The following NEK1 variants were observed in gnomAD, a reference collection of about 807,000 sequenced individuals.
NEK1 encodes NIMA related kinase 1, also known as serine/threonine-protein kinase Nek1.
NEK1 carries 137 observed loss-of-function variants against 182.1 expected under a neutral mutation model. That is an observed-to-expected ratio of 0.75 (90% CI 0.65 to 0.87). The LOEUF (loss-of-function observed/expected upper bound fraction) is 0.87, where lower values mean the gene tolerates loss of function less well. Among genes scored for constraint, NEK1 ranks in the 40% least tolerant of loss-of-function variants. The pLI is 0.00. For synonymous variants in NEK1, 513 were observed against 492.2 expected, an observed-to-expected ratio of 1.04 and a Z score of -0.56; for missense variants, 1,391 against 1,494.4, an observed-to-expected ratio of 0.93 and a Z score of 1.14.
intron 5 of NEK1, among the ~76,000 whole-genome samples, chr4:169,593,123 C>T (rs771176598): frequency 1.3e-5 from 2 of 148,448 alleles, no homozygotes; most frequent in African/African-American, 5.1e-5. Flanking sequence ...CAACAATGTA[C>T]CAGATATGTG....
chr4:169,478,419 C>A (rs1747368594), intron 24 of NEK1: 1 of 152,040 alleles, frequency 6.6e-6, no homozygotes, highest in African/African-American at 2.4e-5. Flanking sequence ...AGATGTGAGA[C>A]TGGGTACCAA....
intron 19 of NEK1, among the ~76,000 whole-genome samples, chr4:169,530,805 G>A (rs1399402243): frequency 1.3e-5 from 2 of 151,172 alleles, no homozygotes; most frequent in Non-Finnish European, 2.9e-5. Flanking sequence ...CTGGCTGCAT[G>A]AATTTATACA....
intron 23 of NEK1, among the ~76,000 whole-genome samples, chr4:169,498,633 G>A (rs945921278): frequency 2.6e-4 from 40 of 152,224 alleles, no homozygotes; most frequent in African/African-American, 9.2e-4. Context: ...TTGCTTGTCT[G>A]TAAAGTATTT....
intron 19 of NEK1, among the ~76,000 whole-genome samples, chr4:169,534,563 A>G (rs375739296): frequency 2.6e-5 from 4 of 152,216 alleles, no homozygotes; most frequent in African/African-American, 9.6e-5. Context: ...CTGAGGTTCA[A>G]TCAGGGCTGC....
chr4:169,555,921 C>T lies in NEK1; in HGVS notation c.1430+11G>A. ...CAAAGCATAAGCAACTTCTGCAGAA[C>T]ATAGCCATACCTTTCTGGAAGACCT... On this transcript the variant is annotated intron_variant, in intron 17 of 35. Coordinates refer to ENST00000507142, the MANE Select transcript of NEK1 (RefSeq NM_001199397.3). The T allele has an allele frequency of 6.2e-7, 1 of 1,613,410 alleles. No homozygotes were observed. Among genetic ancestry groups the T allele is most frequent in the Non-Finnish European group, 8.5e-7 (1 of 1,179,552 alleles).
chr4:169,497,223 T>C (rs1432827514), intron 23 of NEK1, among the ~76,000 whole-genome samples: 240 of 152,338 alleles, frequency 1.6e-3, no homozygotes, highest in African/African-American at 5.5e-3. Flanking sequence ...TGATGGTAGT[T>C]TGTATTTCTG....
chr4:169,580,845 G>C lies in NEK1; in HGVS notation c.865C>G (p.Pro289Ala). 6.6e-7 allele frequency: 1 copy of C among 1,522,320 alleles called. No individual in the cohort carries two copies. Among genetic ancestry groups the C allele is most frequent in the Non-Finnish European group, 8.9e-7 (1 of 1,123,242 alleles). 94.3% of individuals were successfully genotyped at this position (1,522,320 alleles called of 1,614,324 possible). A position where few individuals can be genotyped will look rare whatever the true frequency, so the allele number is the denominator to read the frequency against. ...TFSKFGSQPIPAKRPASGQNS... is the reference protein window; with the variant it reads ...TFSKFGSQPIAAKRPASGQNS... ...CTTCATATCAGATTTCATTTACCTG[G>C]TATAGGCTGTGATCCAAACTTCGAA... The change falls in exon 11 of 36, where the codon CCA (proline) becomes GCA (alanine). Residue 289 changes from proline to alanine, a missense_variant. Pro to Ala is a conservative substitution (Grantham distance 27). This residue lies in a region of NEK1 where 1,216 missense variants were observed against 1,277.6 expected (regional missense o/e 0.95). Coordinates refer to ENST00000507142, the MANE Select transcript of NEK1 (RefSeq NM_001199397.3).
chr4:169,534,916 T>C (rs1176760702), intron 19 of NEK1, among the ~76,000 whole-genome samples: 1 of 152,094 alleles, frequency 6.6e-6, no homozygotes, highest in Non-Finnish European at 1.5e-5. Flanking sequence ...AATTAATAGA[T>C]AAGGACATGA....
At chr4:169,600,007 C>A (rs549742034) in intron 4 of NEK1, among the ~76,000 whole-genome samples, 28 of 152,094 alleles carry the variant, frequency 1.8e-4, no homozygotes, top group African/African-American at 6.3e-4. Context: ...ACTACAAGCC[C>A]ATGCTACTGT....
chr4:169,490,876 G>A (rs1749933420), intron 23 of NEK1, among the ~76,000 whole-genome samples: 1 of 152,114 alleles, frequency 6.6e-6, no homozygotes, highest in Admixed American at 6.5e-5. Flanking sequence ...GGGCATGGTG[G>A]CTCACGCCTG....
intron 5 of NEK1, among the ~76,000 whole-genome samples, chr4:169,591,714 T>C (rs948066494): frequency 1.8e-4 from 27 of 152,148 alleles, no homozygotes; most frequent in Admixed American, 7.9e-4. Context: ...AGGTTAATTA[T>C]CTGTAATAAT....
intron 27 of NEK1, among the ~76,000 whole-genome samples, chr4:169,443,127 C>A (rs1739841510): frequency 6.7e-6 from 1 of 149,652 alleles, no homozygotes; most frequent in African/African-American, 2.5e-5. Flanking sequence ...CCAGCCTGGG[C>A]AACATGGCAA....
chr4:169,546,959 T>C (rs535506354), intron 18 of NEK1, among the ~76,000 whole-genome samples: 1 of 152,354 alleles, frequency 6.6e-6, no homozygotes, highest in South Asian at 2.1e-4. Context: ...TAATGCAGCA[T>C]TTAGCCCATT....
chr4:169,525,795 C>A (rs1219104953), intron 19 of NEK1, among the ~76,000 whole-genome samples: 3 of 152,176 alleles, frequency 2.0e-5, no homozygotes, highest in African/African-American at 7.2e-5. Context: ...TAAACTAAAG[C>A]AAACAGTAAT....
At position 169,529,428 on chromosome 4, in the gene NEK1, G is replaced by A. The variant is rs968705948; in HGVS notation, c.1665+8381C>T. ...TTATGTGTATTTTATTACAATAAAC[G>A]TCTTCTTCCTGGATCATAAATCTAA... On this transcript the variant is annotated intron_variant, in intron 19 of 35. Coordinates refer to ENST00000507142, the MANE Select transcript of NEK1 (RefSeq NM_001199397.3). Among the ~76,000 whole-genome samples the A allele has an allele frequency of 3.3e-5, 5 of 152,046 alleles. No individual in the cohort carries two copies. In the South Asian group the frequency reaches 8.3e-4, roughly 25 times the overall value.
chr4:169,528,286 T>C (rs985625267), intron 19 of NEK1, among the ~76,000 whole-genome samples: 14 of 152,284 alleles, frequency 9.2e-5, no homozygotes, highest in Non-Finnish European at 2.1e-4. Context: ...TTGCCTTTGC[T>C]TGATAAAGCA....
At chr4:169,568,078 T>C (rs1764013947) in intron 12 of NEK1, among the ~76,000 whole-genome samples, 1 of 152,196 alleles carries the variant, frequency 6.6e-6, no homozygotes, top group Admixed American at 6.5e-5. Context: ...TATGATATCA[T>C]TTATCCAGAT....
chr4:169,472,683 T>C (rs1371296200), intron 26 of NEK1, among the ~76,000 whole-genome samples: 2 of 152,208 alleles, frequency 1.3e-5, no homozygotes, highest in East Asian at 3.8e-4. Context: ...GTGCTCTCAA[T>C]CATCTCCAGC....
intron 5 of NEK1, among the ~76,000 whole-genome samples, chr4:169,595,087 T>C (rs570302714): frequency 2.0e-5 from 3 of 152,162 alleles, no homozygotes; most frequent in East Asian, 3.9e-4. Flanking sequence ...CTTCAGAAAA[T>C]AGACTCTTGG....
Sources: gnomAD v4.1 joint callset for allele counts (sites outside exome capture counted in the v4.1 genomes callset) on GRCh38, gnomAD v4.1.1 for gene constraint, gnomAD v4.1.1 regional missense constraint, MANE v1.5 for transcripts, NCBI Gene and HGNC (gene_info 2026-07-23, HGNC 2026-07-21) for gene names.